The following SMYD4 variants were observed in gnomAD, a reference collection of about 807,000 sequenced individuals.
The protein encoded by SMYD4 is protein-lysine N-methyltransferase SMYD4.
A neutral mutation model predicts 72.8 loss-of-function variants in SMYD4; 68 were observed. The ratio of observed to expected loss-of-function variants is 0.93; its 90% CI spans 0.77 to 1.14. SMYD4 has a LOEUF of 1.14. Among genes scored for constraint, SMYD4 ranks in the 50% most tolerant of loss-of-function variants. The pLI, the probability that SMYD4 is intolerant of heterozygous loss-of-function variation, is 0.00. For missense variants in SMYD4, 984 were observed against 1,003.7 expected (o/e 0.98, Z 0.27); for synonymous variants, 407 against 388.6 (o/e 1.05, Z -0.56).
intron 7 of SMYD4, 42 bp from the exon 8 acceptor site, chr17:1,784,503 G>C: frequency 6.2e-7 from 1 of 1,610,782 alleles, no homozygotes; most frequent in Non-Finnish European, 8.5e-7. Context: ...GCCAGGGTCA[G>C]TTATCAACAC....
chr17:1,813,509 C>T (rs554051178), intron 2 of SMYD4, among the ~76,000 whole-genome samples: 1 of 152,234 alleles, frequency 6.6e-6, no homozygotes, highest in African/African-American at 2.4e-5. Context: ...CAACCTCCGC[C>T]TCCTGGGTGC....
rs186986532 is a variant in SMYD4, at chr17:1,799,879, C to T, written c.1515G>A (p.Ala505=). ...HMLQLQCNAQ[A]MTTIQHTGPK... is the part of the protein sequence containing the mutation. ...TACCTGTGTGTTGTATGGTGGTCATCGCCTGAGCGTTACACTGAAGCTGTA... is the reference window on the plus strand; with the variant it reads ...TACCTGTGTGTTGTATGGTGGTCATTGCCTGAGCGTTACACTGAAGCTGTA... Residue 505 remains alanine, a synonymous_variant, in exon 5 of 11, where the codon GCG becomes GCA. Coordinates refer to ENST00000305513, the MANE Select transcript of SMYD4 (RefSeq NM_052928.3). The T allele has an allele frequency of 1.0e-5, 16 of 1,606,074 alleles. No homozygotes were observed. The Admixed American group carries it at 1.0e-4, about 10-fold the overall frequency.
At chr17:1,787,187 G>A (rs979980757) in intron 6 of SMYD4, among the ~76,000 whole-genome samples, 3 of 152,226 alleles carry the variant, frequency 2.0e-5, no homozygotes, top group African/African-American at 7.2e-5. Context: ...CCCATTTTCA[G>A]AATAGGAAGT....
At chr17:1,823,732 T>C (rs897888830) in intron 2 of SMYD4, among the ~76,000 whole-genome samples, 1 of 152,126 alleles carries the variant, frequency 6.6e-6, no homozygotes, top group Non-Finnish European at 1.5e-5. Context: ...GGGATGTGCA[T>C]GTGATCAAAA....
chr17:1,787,319 G>T (rs1391490779), intron 6 of SMYD4, 103 bp downstream of exon 6: 14 of 1,420,752 alleles, frequency 9.9e-6, no homozygotes, highest in Middle Eastern at 2.4e-4. Context: ...CCAGGAAGCA[G>T]ACAGTAGACA....
At position 1,787,407 on chromosome 17, in the gene SMYD4, G is replaced by A. The variant is rs557859497; in HGVS notation, c.1720+15C>T. ...TTGGAGAAGGGCAGGATGGCAGTGC[G>A]GAGGGATGGCTCACCATAGCAGTGG... On this transcript the variant is annotated intron_variant, in intron 6 of 10. Transcript: ENST00000305513. The A allele has an allele frequency of 2.3e-5, 35 of 1,552,314 alleles. No homozygotes were observed. The East Asian group carries it at 5.6e-4, about 25-fold the overall frequency.
chr17:1,808,805 A>C (rs1910176973), intron 3 of SMYD4, among the ~76,000 whole-genome samples: 1 of 152,204 alleles, frequency 6.6e-6, no homozygotes. Context: ...AAGAACTATT[A>C]AGCCATTTAT....
intron 5 of SMYD4, among the ~76,000 whole-genome samples, chr17:1,790,346 T>A (rs1255992959): frequency 2.0e-5 from 3 of 152,154 alleles, no homozygotes; most frequent in African/African-American, 7.2e-5. Context: ...GTATTGATTT[T>A]TAAAAATTAC....
intron 5 of SMYD4, among the ~76,000 whole-genome samples, chr17:1,794,034 T>C (rs1175985710): frequency 6.4e-5 from 5 of 78,560 alleles, no homozygotes; most frequent in African/African-American, 2.4e-4. Context: ...TGTATATATA[T>C]ATGTATGTAT....
chr17:1,813,717 T>C (rs149888252), intron 2 of SMYD4, among the ~76,000 whole-genome samples: 2,828 of 152,220 alleles, frequency 0.019, 33 homozygotes, highest in Middle Eastern at 0.031. Context: ...GCCTGGCCTC[T>C]TTATACTATT....
chr17:1,801,239 A>C (rs886581204), intron 4 of SMYD4, among the ~76,000 whole-genome samples: 2 of 60,052 alleles, frequency 3.3e-5, no homozygotes, highest in African/African-American at 1.4e-4. Flanking sequence ...TTTTGGATTA[A>C]ATTTTTTCTT....
chr17:1,821,975 A>G (rs1010847933), intron 2 of SMYD4, among the ~76,000 whole-genome samples: 10 of 150,722 alleles, frequency 6.6e-5, no homozygotes, highest in Non-Finnish European at 1.3e-4. Context: ...CTGTAACCCC[A>G]GCACTTTGGG....
intron 4 of SMYD4, among the ~76,000 whole-genome samples, chr17:1,802,103 G>C (rs1909798753): frequency 6.6e-6 from 1 of 152,312 alleles, no homozygotes; most frequent in Non-Finnish European, 1.5e-5. Context: ...ATCTCCCAGT[G>C]TTGTTTTAAG....
chr17:1,821,115 T>C (rs1910864097), intron 2 of SMYD4, among the ~76,000 whole-genome samples: 1 of 152,224 alleles, frequency 6.6e-6, no homozygotes, highest in South Asian at 2.1e-4. Context: ...TCACGGTTCA[T>C]GTGAACAAGA....
chr17:1,811,857 G>A, intron 3 of SMYD4, 114 bp downstream of exon 3: 1 of 1,154,672 alleles, frequency 8.7e-7, no homozygotes, highest in South Asian at 1.6e-5. Flanking sequence ...AACCCAGGAG[G>A]CGAATGTTGC....
At chr17:1,790,252 A>G (rs1256261199) in intron 5 of SMYD4, among the ~76,000 whole-genome samples, 1 of 152,224 alleles carries the variant, frequency 6.6e-6, no homozygotes, top group Non-Finnish European at 1.5e-5. Flanking sequence ...TTTATAGATT[A>G]CCCTCTGACA....
At chr17:1,793,627 G>T (rs1487831511) in intron 5 of SMYD4, among the ~76,000 whole-genome samples, 1 of 151,710 alleles carries the variant, frequency 6.6e-6, no homozygotes, top group Admixed American at 6.6e-5. Context: ...AAGGAGAGGG[G>T]AAAAAAATCT....
At chr17:1,808,711 T>C (rs1410930779) in intron 3 of SMYD4, among the ~76,000 whole-genome samples, 2 of 152,236 alleles carry the variant, frequency 1.3e-5, no homozygotes, top group African/African-American at 4.8e-5. Flanking sequence ...TCAGTTTTTA[T>C]TTTCCCTGTT....
chr17:1,795,629 G>T (rs574877394), intron 5 of SMYD4, among the ~76,000 whole-genome samples: 3 of 151,996 alleles, frequency 2.0e-5, no homozygotes, highest in Admixed American at 6.6e-5. Context: ...TTTTAATAGA[G>T]ACGGGTTTCA....
Sources: gnomAD v4.1 joint callset for allele counts (sites outside exome capture counted in the v4.1 genomes callset) on GRCh38, gnomAD v4.1.1 for gene constraint, MANE v1.5 for transcripts, NCBI Gene and HGNC (gene_info 2026-07-23, HGNC 2026-07-21) for gene names.